SERPINE3: variants seen among roughly 807,000 people sequenced by gnomAD.
The protein encoded by SERPINE3 is serpin family E member 3.
In SERPINE3, 43 loss-of-function variants were observed where a neutral mutation model predicts 41.7. That is an observed-to-expected ratio of 1.03 (90% CI 0.81 to 1.33). The LOEUF is 1.33. Ranked by LOEUF, SERPINE3 falls within the 40% of genes most tolerant of loss-of-function variation. The pLI is 0.00. For synonymous variants in SERPINE3, 200 were observed against 192.2 expected (o/e 1.04, Z -0.34); for missense variants, 440 against 491.7 (o/e 0.89, Z 0.99).
chr13:51,361,405 C>G, intron 8 of SERPINE3, 41 bp downstream of exon 8: 4 of 1,255,930 alleles, frequency 3.2e-6, no homozygotes, highest in Non-Finnish European at 4.6e-6. Context: ...TTACCCATAT[C>G]TACCTTTCTG....
chr13:51,353,111 A>G (rs1955424693), intron 6 of SERPINE3, among the ~76,000 whole-genome samples: 1 of 152,062 alleles, frequency 6.6e-6, no homozygotes, highest in South Asian at 2.1e-4. Flanking sequence ...TACTCAAGTT[A>G]TTTTTGTAGC....
chr13:51,340,772 T>G lies in SERPINE3; in HGVS notation c.-95-12T>G, dbSNP rs1178061630. 2 of 422,544 alleles carry G rather than the reference T, an allele frequency of 4.7e-6. No individual in the cohort carries two copies. The highest frequency in any genetic ancestry group is 8.6e-6 in the Non-Finnish European group (2 of 232,800). The allele number at this position is 422,544 out of a possible 1,614,324, so 26.2% of individuals were successfully genotyped here. A position where few individuals can be genotyped will look rare whatever the true frequency, so the allele number is the denominator to read the frequency against. ...TTTTCCCAACATAATGCTTTGCTTC[T>G]GATCTGACCAGGGCTTTGCTAAAGT... is the stretch of plus-strand genomic sequence containing the variant. On this transcript the variant is annotated splice_polypyrimidine_tract_variant and intron_variant, in intron 1 of 9. Coordinates refer to ENST00000681248, the MANE Select transcript of SERPINE3 (RefSeq NM_001386375.1).
At chr13:51,361,476 T>C (rs1955573613) in intron 8 of SERPINE3, 112 bp downstream of exon 8, 2 of 718,226 alleles carry the variant, frequency 2.8e-6, no homozygotes, top group East Asian at 5.5e-5. Context: ...AGTTCAGGTG[T>C]GGTGTAGTAT....
Position 51,341,342 on chromosome 13 carries a change from T to C in SERPINE3, c.251T>C (p.Val84Ala). 6.3e-7 allele frequency: 1 copy of C among 1,594,370 alleles called. No homozygotes were observed. The highest frequency in any genetic ancestry group is 8.6e-7 in the Non-Finnish European group (1 of 1,169,320). Reference sequence around the variant, plus strand: ...CTGGCAGATGCCCTGGGGTACACTGTCCATGGTAAGAGGCCTGCCCACGTG... The same window carrying C: ...CTGGCAGATGCCCTGGGGTACACTGCCCATGGTAAGAGGCCTGCCCACGTG... ...QQLADALGYT[V>A]HDKRVKDFLH... Residue 84 changes from valine to alanine, a missense_variant, in exon 3 of 10, where the codon GTC (valine) becomes GCC (alanine). By Grantham distance (64) the Val-to-Ala change is moderately conservative (BLOSUM62 0). Coordinates refer to ENST00000681248, the MANE Select transcript of SERPINE3 (RefSeq NM_001386375.1).
At position 51,340,776 on chromosome 13, in the gene SERPINE3, C is replaced by T. The variant is rs906825010; in HGVS notation, c.-95-8C>T. On this transcript the variant is annotated splice_polypyrimidine_tract_variant and splice_region_variant and intron_variant, in intron 1 of 9. Transcript: ENST00000681248. ...CCCAACATAATGCTTTGCTTCTGAT[C>T]TGACCAGGGCTTTGCTAAAGTCACA... 1 of 430,786 alleles carries T rather than the reference C, an allele frequency of 2.3e-6. No individual in the cohort carries two copies. The highest frequency in any genetic ancestry group is 4.2e-5 in the East Asian group (1 of 23,908). The allele number at this position is 430,786 out of a possible 1,614,324, so 26.7% of individuals were successfully genotyped here.
intron 7 of SERPINE3, among the ~76,000 whole-genome samples, chr13:51,358,133 C>T (rs768516135): frequency 1.4e-4 from 22 of 152,196 alleles, no homozygotes; most frequent in Admixed American, 2.0e-4. Context: ...CACTCTCTCT[C>T]CCTCTCCTGG....
At chr13:51,359,333 T>C (rs1371849261) in intron 7 of SERPINE3, among the ~76,000 whole-genome samples, 1 of 152,132 alleles carries the variant, frequency 6.6e-6, no homozygotes, top group Non-Finnish European at 1.5e-5. Flanking sequence ...GACTCCCATA[T>C]TCTCATTTTT....
chr13:51,358,571 G>C (rs530168476), intron 7 of SERPINE3, among the ~76,000 whole-genome samples: 1 of 152,048 alleles, frequency 6.6e-6, no homozygotes, highest in South Asian at 2.1e-4. Flanking sequence ...AGAACATTAA[G>C]GCCATTCGTA....
At chr13:51,360,121 C>T (rs533914747) in intron 7 of SERPINE3, among the ~76,000 whole-genome samples, 2 of 152,202 alleles carry the variant, frequency 1.3e-5, no homozygotes, top group Admixed American at 1.3e-4. Flanking sequence ...TTTATTCTCT[C>T]ATGGCATTCA....
At chr13:51,356,025 G>A (rs762583250) in intron 7 of SERPINE3, among the ~76,000 whole-genome samples, 3 of 152,092 alleles carry the variant, frequency 2.0e-5, no homozygotes, top group Non-Finnish European at 4.4e-5. Flanking sequence ...GGAATCACAG[G>A]AAAATTGAGA....
intron 6 of SERPINE3, among the ~76,000 whole-genome samples, chr13:51,352,787 ATGTT>A (rs1955419232): frequency 6.6e-6 from 1 of 151,840 alleles, no homozygotes; most frequent in Admixed American, 6.6e-5. Flanking sequence ...TGTATGTTTG[ATGTT>A]TGTTTGTTTT....
chr13:51,343,562 C>T (rs983106730), intron 3 of SERPINE3, among the ~76,000 whole-genome samples: 1 of 152,208 alleles, frequency 6.6e-6, no homozygotes, highest in Non-Finnish European at 1.5e-5. Context: ...CTATCGACTC[C>T]CTCAAATGCT....
At chr13:51,345,949 G>A (rs571458033) in intron 4 of SERPINE3, among the ~76,000 whole-genome samples, 1 of 152,284 alleles carries the variant, frequency 6.6e-6, no homozygotes, top group East Asian at 1.9e-4. Context: ...AGCTGCTAGG[G>A]TTCTATTTCA....
At chr13:51,345,659 CAGTA>C (rs1469377136) in intron 4 of SERPINE3, among the ~76,000 whole-genome samples, 4 of 137,646 alleles carry the variant, frequency 2.9e-5, no homozygotes, top group African/African-American at 8.1e-5. Flanking sequence ...GAATGGAAAA[CAGTA>C]AGTGTGTGGA....
intron 6 of SERPINE3, among the ~76,000 whole-genome samples, chr13:51,348,848 G>GTCCCCCCATGA (rs1439076333): frequency 8.6e-5 from 13 of 150,396 alleles, no homozygotes; most frequent in South Asian, 4.2e-4. Flanking sequence ...ACGTAATTGA[G>GTCCCCCCATGA]CAAGTACAGA....
In SERPINE3 at chr13:51,364,506, C is replaced by A. The variant is rs978386477; in HGVS notation, c.*224C>A. On this transcript the variant is annotated 3_prime_UTR_variant, in exon 10 of 10. Transcript: ENST00000681248. ...TGACCTTCTTTTCTACTGCTTACCC[C>A]CCAAACCACTAAAAGGCACAGCAGT... 3 of 439,846 alleles carry A rather than the reference C, an allele frequency of 6.8e-6. No homozygotes were observed. The highest frequency in any genetic ancestry group is 1.2e-5 in the Non-Finnish European group (3 of 248,592). The allele number at this position is 439,846 out of a possible 1,614,324, so 27.2% of individuals were successfully genotyped here.
At chr13:51,344,622 A>T in intron 4 of SERPINE3, 137 bp downstream of exon 4, 2 of 686,370 alleles carry the variant, frequency 2.9e-6, no homozygotes, top group South Asian at 3.6e-5. Context: ...AGGAGATCCT[A>T]CCCTTGAATG....
chr13:51,341,918 C>A (rs1243556106), intron 3 of SERPINE3, among the ~76,000 whole-genome samples: 1 of 152,160 alleles, frequency 6.6e-6, no homozygotes, highest in African/African-American at 2.4e-5. Context: ...TTTTGACCAA[C>A]CTGCTTTTAT....
At chr13:51,353,066 A>C (rs570029484) in intron 6 of SERPINE3, among the ~76,000 whole-genome samples, 51 of 152,208 alleles carry the variant, frequency 3.4e-4, no homozygotes, top group African/African-American at 1.2e-3. Context: ...CTTTCTTGTA[A>C]TATCCTTGTC....
Sources: allele counts gnomAD v4.1 joint callset (sites outside exome capture counted in the v4.1 genomes callset), GRCh38; gene constraint gnomAD v4.1.1; transcripts MANE v1.5; gene names NCBI Gene and HGNC (gene_info 2026-07-23, HGNC 2026-07-21).